The following CSMD1 variants were observed in gnomAD, a reference collection of about 807,000 sequenced individuals.
CSMD1 encodes CUB and sushi domain-containing protein 1.
A neutral mutation model predicts 417.5 loss-of-function variants in CSMD1; 213 were observed. The observed-to-expected ratio is 0.51, with a 90% CI of 0.46 to 0.57. The LOEUF (loss-of-function observed/expected upper bound fraction) is 0.57. CSMD1 is among the 20% of genes least tolerant of loss of function. The pLI is 0.00. For missense variants in CSMD1, 6,923 were observed against 4,529.7 expected, an observed-to-expected ratio of 1.53 and a Z score of -15.17; for synonymous variants, 2,862 against 1,736.8, an observed-to-expected ratio of 1.65 and a Z score of -16.11.
intron 12 of CSMD1, among the ~76,000 whole-genome samples, chr8:3,445,584 G>C (rs1289450180): frequency 2.0e-5 from 3 of 152,104 alleles, no homozygotes; most frequent in Admixed American, 6.5e-5. Context: ...TGATGAATCA[G>C]TGCATCACAG....
chr8:3,316,725 A>G (rs900585291), intron 23 of CSMD1, among the ~76,000 whole-genome samples: 3 of 152,172 alleles, frequency 2.0e-5, no homozygotes, highest in African/African-American at 7.2e-5. Context: ...GGAAGACAGG[A>G]AAGGTCACGG....
intron 1 of CSMD1, among the ~76,000 whole-genome samples, chr8:4,665,694 A>G (rs1192993511): frequency 1.3e-5 from 2 of 152,190 alleles, no homozygotes; most frequent in Admixed American, 1.3e-4. Flanking sequence ...TGGATCCATA[A>G]TCTATTCCTC....
chr8:3,462,149 G>T (rs1264292870), intron 12 of CSMD1, among the ~76,000 whole-genome samples: 8 of 151,792 alleles, frequency 5.3e-5, no homozygotes, highest in Non-Finnish European at 7.4e-5. Context: ...CCAGCTGCTC[G>T]GGACCCACAC....
At chr8:4,689,667 CT>C (rs982204574) in intron 1 of CSMD1, among the ~76,000 whole-genome samples, 1 of 151,830 alleles carries the variant, frequency 6.6e-6, no homozygotes, top group Admixed American at 6.6e-5. Flanking sequence ...CCCAAGTAAT[CT>C]TTTTTTTGCG....
intron 23 of CSMD1, among the ~76,000 whole-genome samples, chr8:3,340,798 A>G (rs777334275): frequency 7.2e-5 from 11 of 152,206 alleles, no homozygotes; most frequent in Non-Finnish European, 1.3e-4. Flanking sequence ...TCTTCCCACC[A>G]GACAGTATGT....
At chr8:3,797,850 A>G (rs7017017) in intron 5 of CSMD1, among the ~76,000 whole-genome samples, 44,111 of 151,902 alleles carry the variant, frequency 0.29, 6,879 homozygotes, top group Non-Finnish European at 0.35. Context: ...TTCTAAGGTG[A>G]TTGTACCATT....
At chr8:3,157,095 C>T (rs1021974995) in intron 39 of CSMD1, among the ~76,000 whole-genome samples, 6 of 151,220 alleles carry the variant, frequency 4.0e-5, no homozygotes, top group African/African-American at 1.2e-4. Flanking sequence ...TTGTGGGTTG[C>T]GGGTAAGGAG....
intron 10 of CSMD1, among the ~76,000 whole-genome samples, chr8:3,517,286 A>G (rs1797321597): frequency 6.6e-6 from 1 of 152,226 alleles, no homozygotes; most frequent in Non-Finnish European, 1.5e-5. Flanking sequence ...ACAAGAGAAC[A>G]AAAGATGGAA....
At chr8:3,854,999 AC>A (rs1804194066) in intron 5 of CSMD1, among the ~76,000 whole-genome samples, 1 of 152,172 alleles carries the variant, frequency 6.6e-6, no homozygotes, top group Non-Finnish European at 1.5e-5. Context: ...AGTAATCCAT[AC>A]AGCCATACAC....
intron 1 of CSMD1, among the ~76,000 whole-genome samples, chr8:4,690,227 A>G (rs182338092): frequency 6.8e-4 from 103 of 152,290 alleles, no homozygotes; most frequent in African/African-American, 2.4e-3. Context: ...AGGCTGTGAA[A>G]ATTTCTAGAC....
intron 11 of CSMD1, among the ~76,000 whole-genome samples, chr8:3,491,161 C>G (rs182601049): frequency 2.6e-5 from 4 of 152,162 alleles, no homozygotes; most frequent in Non-Finnish European, 4.4e-5. Context: ...GTGTCAGATG[C>G]AAAAGACTGT....
At chr8:3,807,354 G>A (rs972288162) in intron 5 of CSMD1, among the ~76,000 whole-genome samples, 2 of 152,128 alleles carry the variant, frequency 1.3e-5, no homozygotes, top group African/African-American at 4.8e-5. Context: ...AATAGAAAGT[G>A]ATTAATCTGG....
chr8:3,459,240 C>T (rs1352487451), intron 12 of CSMD1, among the ~76,000 whole-genome samples: 3 of 152,162 alleles, frequency 2.0e-5, no homozygotes, highest in Non-Finnish European at 2.9e-5. Flanking sequence ...GCCACAGGTG[C>T]ACGAAGAGGC....
chr8:3,832,965 T>G (rs114066348), intron 5 of CSMD1, among the ~76,000 whole-genome samples: 2 of 152,270 alleles, frequency 1.3e-5, no homozygotes, highest in East Asian at 3.9e-4. Flanking sequence ...TGAATATCAA[T>G]AATTGAGAAA....
intron 2 of CSMD1, among the ~76,000 whole-genome samples, chr8:4,447,159 A>G (rs1288521871): frequency 7.2e-5 from 11 of 152,210 alleles, no homozygotes; most frequent in Admixed American, 7.2e-4. Context: ...ACATTTTAAT[A>G]AATTATTGAT....
chr8:3,342,018 A>G (rs577730725), intron 23 of CSMD1, among the ~76,000 whole-genome samples: 1 of 152,308 alleles, frequency 6.6e-6, no homozygotes, highest in African/African-American at 2.4e-5. Flanking sequence ...GGAAGGTAAA[A>G]TTCTAGTAAA....
chr8:4,362,077 A>ACAGTATCAGCCTTT (rs1801799708), intron 3 of CSMD1, among the ~76,000 whole-genome samples: 2 of 152,220 alleles, frequency 1.3e-5, no homozygotes, highest in African/African-American at 4.8e-5. Context: ...AGGCTGAGAT[A>ACAGTATCAGCCTTT]ATTTAATTGA....
chr8:3,899,793 G>A (rs1281846722), intron 5 of CSMD1, among the ~76,000 whole-genome samples: 1 of 152,212 alleles, frequency 6.6e-6, no homozygotes, highest in Non-Finnish European at 1.5e-5. Context: ...TGACTGGAAG[G>A]TGACAGTGGA....
intron 10 of CSMD1, among the ~76,000 whole-genome samples, chr8:3,511,892 G>A (rs117622019): frequency 0.039 from 5,306 of 135,658 alleles, 141 homozygotes; most frequent in Non-Finnish European, 0.057. Flanking sequence ...TTGCGTTTTT[G>A]TTAGAAAGTC....
Sources: allele counts gnomAD v4.1 joint callset (sites outside exome capture counted in the v4.1 genomes callset), GRCh38; gene constraint gnomAD v4.1.1; transcripts MANE v1.5; gene names NCBI Gene and HGNC (gene_info 2026-07-23, HGNC 2026-07-21).